The following DAB1 variants were observed in gnomAD, a reference collection of about 807,000 sequenced individuals.
DAB1 encodes disabled homolog 1.
In DAB1, 15 loss-of-function variants were observed where a neutral mutation model predicts 64.6. The ratio of observed to expected loss-of-function variants is 0.23; its 90% CI spans 0.16 to 0.36. The LOEUF (loss-of-function observed/expected upper bound fraction) is 0.36. DAB1 is among the 10% of genes least tolerant of loss of function. The pLI is 1.00. For missense variants in DAB1, 596 were observed against 706.7 expected (o/e 0.84, Z 1.78); for synonymous variants, 235 against 251.9 (o/e 0.93, Z 0.64).
chr1:58,126,209 CA>C (rs1441792871), intron 5 of DAB1, among the ~76,000 whole-genome samples: 2 of 152,178 alleles, frequency 1.3e-5, no homozygotes, highest in African/African-American at 4.8e-5. Flanking sequence ...CTGCTGTACC[CA>C]TTTGCTTAAC....
intron 5 of DAB1, among the ~76,000 whole-genome samples, chr1:57,904,349 C>T (rs768334097): frequency 2.6e-5 from 4 of 152,062 alleles, no homozygotes; most frequent in South Asian, 4.1e-4. Flanking sequence ...AAATCTTGCT[C>T]GAGGGTCTTT....
chr1:57,475,627 A>T (rs1267197784), intron 7 of DAB1, among the ~76,000 whole-genome samples: 1 of 152,178 alleles, frequency 6.6e-6, no homozygotes, highest in Non-Finnish European at 1.5e-5. Flanking sequence ...CTGAGATGAG[A>T]AAGCGGAGCT....
rs549625855 is a variant in DAB1 at position 57,842,633 on chromosome 1, A to G, written n.88-16178T>C. Among the ~76,000 whole-genome samples, 114 of 152,312 alleles carry G rather than the reference A, an allele frequency of 7.5e-4. 1 individual carries two copies. The highest frequency in any genetic ancestry group is 2.5e-3 in the African/African-American group (106 of 41,572). ...AAGGTAAGGCAAGAACCTTCTTCACATGGTGGCAGGAAAGAGGGCAAGCAA... is the reference window on the plus strand; with the variant it reads ...AAGGTAAGGCAAGAACCTTCTTCACGTGGTGGCAGGAAAGAGGGCAAGCAA... On this transcript the variant is annotated intron_variant and non_coding_transcript_variant, in intron 1 of 1. Coordinates refer to the DAB1 transcript ENST00000477280.
intron 1 of DAB1, among the ~76,000 whole-genome samples, chr1:57,410,643 G>T (rs1684034084): frequency 6.6e-6 from 1 of 152,126 alleles, no homozygotes; most frequent in African/African-American, 2.4e-5. Flanking sequence ...TTGATTTATG[G>T]CTTCTCAAAC....
At chr1:57,469,150 G>T (rs1336395936) in intron 7 of DAB1, among the ~76,000 whole-genome samples, 2 of 152,160 alleles carry the variant, frequency 1.3e-5, no homozygotes, top group African/African-American at 4.8e-5. Flanking sequence ...ATAAACCTGG[G>T]GCTGAAGCCA....
intron 6 of DAB1, among the ~76,000 whole-genome samples, chr1:57,662,363 A>G (rs1481734004): frequency 1.3e-5 from 2 of 151,784 alleles, no homozygotes; most frequent in Non-Finnish European, 2.9e-5. Context: ...CGCCCGGCTA[A>G]TTTTGTATTT....
intron 1 of DAB1, among the ~76,000 whole-genome samples, chr1:57,877,732 T>G (rs1298111027): frequency 1.2e-5 from 1 of 81,504 alleles, no homozygotes; most frequent in South Asian, 3.5e-4. Context: ...GGCTAATTTT[T>G]TTTTTGTATT....
At chr1:58,374,984 C>G (rs1644308955) in intron 3 of DAB1, among the ~76,000 whole-genome samples, 1 of 137,160 alleles carries the variant, frequency 7.3e-6, no homozygotes, top group Admixed American at 7.3e-5. Flanking sequence ...CTCTGTTTGT[C>G]TGTTGTTGGT....
At chr1:58,055,663 A>T (rs12567638) in intron 5 of DAB1, among the ~76,000 whole-genome samples, 29,332 of 152,102 alleles carry the variant, frequency 0.19, 3,209 homozygotes, top group Admixed American at 0.23. Flanking sequence ...GAATAGACTA[A>T]TGTACGCATA....
intron 7 of DAB1, among the ~76,000 whole-genome samples, chr1:57,564,733 A>G (rs1292261656): frequency 1.3e-5 from 2 of 152,186 alleles, no homozygotes; most frequent in Non-Finnish European, 2.9e-5. Flanking sequence ...AGTTTAGAGT[A>G]AAAAGAAATG....
intron 1 of DAB1, among the ~76,000 whole-genome samples, chr1:57,413,444 A>T (rs996793828): frequency 1.2e-4 from 18 of 152,298 alleles, no homozygotes; most frequent in Non-Finnish European, 2.4e-4. Context: ...TATTCTGTAA[A>T]GAATTCATCA....
At chr1:58,211,315 A>G (rs1475705897) in intron 4 of DAB1, among the ~76,000 whole-genome samples, 1 of 152,184 alleles carries the variant, frequency 6.6e-6, no homozygotes, top group African/African-American at 2.4e-5. Flanking sequence ...TAGGCATTCC[A>G]TTCAAATCAG....
chr1:57,831,556 T>C (rs1652591096), intron 1 of DAB1, among the ~76,000 whole-genome samples: 1 of 149,912 alleles, frequency 6.7e-6, no homozygotes. Context: ...TTTTTTTTTT[T>C]TTTGAGAAAG....
At chr1:57,596,512 C>T (rs971478789) in intron 7 of DAB1, among the ~76,000 whole-genome samples, 6 of 151,632 alleles carry the variant, frequency 4.0e-5, no homozygotes, top group Non-Finnish European at 8.8e-5. Context: ...TTTAAAGAGC[C>T]GATTACATGC....
chr1:57,110,372 CTG>C (rs1319570397), intron 4 of DAB1, among the ~76,000 whole-genome samples: 1 of 152,214 alleles, frequency 6.6e-6, no homozygotes, highest in Non-Finnish European at 1.5e-5. Flanking sequence ...CAACCGGACA[CTG>C]TTTTCAGATC....
At chr1:58,292,908 G>A (rs771484843) in intron 4 of DAB1, among the ~76,000 whole-genome samples, 1 of 152,090 alleles carries the variant, frequency 6.6e-6, no homozygotes, top group Non-Finnish European at 1.5e-5. Flanking sequence ...AAATGAGCAA[G>A]TTGATGTTTT....
chr1:57,844,089 A>ACTT lies in DAB1; in HGVS notation n.88-17637_88-17635dup, dbSNP rs1316319066. Reference sequence around the variant, plus strand: ...ATGCCATATTCCAGGAATGGTCCTGACTTTGTCTACCACAGTAAAACTCCT... The same window carrying ACTT: ...ATGCCATATTCCAGGAATGGTCCTGACTTCTTTGTCTACCACAGTAAAACTCCT... On this transcript the variant is annotated intron_variant and non_coding_transcript_variant, in intron 1 of 1. Coordinates refer to the DAB1 transcript ENST00000477280. Among the ~76,000 whole-genome samples, 4 of 152,330 alleles carry ACTT rather than the reference A, an allele frequency of 2.6e-5. No homozygotes were observed. In the East Asian group the frequency reaches 7.7e-4, roughly 29 times the overall value.
intron 2 of DAB1, among the ~76,000 whole-genome samples, chr1:57,177,271 A>G (rs1662431743): frequency 1.3e-5 from 2 of 152,106 alleles, no homozygotes; most frequent in African/African-American, 2.4e-5. Context: ...AAGATGTTAT[A>G]TACATACACC....
intron 5 of DAB1, among the ~76,000 whole-genome samples, chr1:57,969,551 T>C (rs1423018763): frequency 6.6e-6 from 1 of 152,164 alleles, no homozygotes; most frequent in African/African-American, 2.4e-5. Context: ...ATACTATTCA[T>C]TACAGCTTTT....
Sources: allele counts gnomAD v4.1 joint callset (sites outside exome capture counted in the v4.1 genomes callset), GRCh38; gene constraint gnomAD v4.1.1; transcripts MANE v1.5; gene names NCBI Gene and HGNC (gene_info 2026-07-23, HGNC 2026-07-21).